LPIN1: variants seen among roughly 807,000 people sequenced by gnomAD.
LPIN1 encodes phosphatidate phosphatase LPIN1.
Under a neutral mutation model 107.5 loss-of-function variants are expected in LPIN1, and 71 were observed. That is an observed-to-expected ratio of 0.66 (90% CI 0.55 to 0.80). The LOEUF is 0.80. LPIN1 is among the 30% of genes least tolerant of loss of function. LPIN1 has a pLI of 0.00. For synonymous variants in LPIN1, 445 were observed against 452.6 expected (o/e 0.98, Z 0.21); for missense variants, 1,043 against 1,160.6 (o/e 0.90, Z 1.47).
rs779529812 is a variant in LPIN1 at position 11,786,258 on chromosome 2, C to T, written c.1550-816C>T. Among the ~76,000 whole-genome samples the T allele has an allele frequency of 6.6e-5, 10 of 152,168 alleles. No homozygotes were observed. Among genetic ancestry groups the T allele is most frequent in the Admixed American group, 4.6e-4 (7 of 15,286 alleles). The stretch of plus-strand genomic sequence containing the variant: ...AGCCAGTCAGGCTGGCATCAAGACC[C>T]AGGGACTCTTTTCCTGGACGGAGGA... On this transcript the variant is annotated intron_variant, in intron 10 of 20. Coordinates refer to ENST00000674199, the MANE Select transcript of LPIN1 (RefSeq NM_001349206.2). The surrounding 1 kb of genome is among the most constrained non-coding windows in gnomAD (Gnocchi z 4.1).
At chr2:11,812,501 A>G (rs534798239) in intron 17 of LPIN1, among the ~76,000 whole-genome samples, 28 of 152,150 alleles carry the variant, frequency 1.8e-4, no homozygotes, top group South Asian at 1.7e-3. Context: ...GACCTAGATG[A>G]GGTGAGGGTA....
In LPIN1 at chr2:11,786,966, G is replaced by A; in HGVS notation, c.1550-108G>A. The stretch of plus-strand genomic sequence containing the variant: ...ATAGGATTGTCTGCACAGTTGGAAT[G>A]CACAAACTCTCAGAAAACACTTGTG... On this transcript the variant is annotated intron_variant, in intron 10 of 20. Transcript: ENST00000674199. This position sits in a 1 kb window ranked among gnomAD's most constrained non-coding sequence, Gnocchi z 4.1. 1.3e-6 allele frequency: 1 copy of A among 783,244 alleles called. No individual in the cohort carries two copies. Among genetic ancestry groups the A allele is most frequent in the Non-Finnish European group, 2.3e-6 (1 of 435,854 alleles). 48.5% of individuals were successfully genotyped at this position (783,244 alleles called of 1,614,324 possible). A position where few individuals can be genotyped will look rare whatever the true frequency, so the allele number is the denominator to read the frequency against.
Position 11,784,912 on chromosome 2 carries a change from A to T in LPIN1, c.1385A>T (p.His462Leu). 6.2e-7 allele frequency: 1 copy of T among 1,613,898 alleles called. No individual in the cohort carries two copies. Among genetic ancestry groups the T allele is most frequent in the South Asian group, 1.1e-5 (1 of 91,080 alleles). Residue 462 changes from histidine (H) to leucine (L), a missense_variant, in exon 10 of 21, where the codon CAT becomes CTT. Coordinates refer to ENST00000674199, the MANE Select transcript of LPIN1 (RefSeq NM_001349206.2). ...KNGDPSGLAKHASDNGARSAN... is the reference protein window; with the variant it reads ...KNGDPSGLAKLASDNGARSAN... ...GGAGATCCTTCCGGACTCGCAAAACATGCAAGCGACAACGGAGCCCGGTCA... is the reference window on the plus strand; with the variant it reads ...GGAGATCCTTCCGGACTCGCAAAACTTGCAAGCGACAACGGAGCCCGGTCA...
chr2:11,789,375 GTGTGTGCATGCGGGTA>G (rs917403669), intron 12 of LPIN1, among the ~76,000 whole-genome samples: 2 of 152,100 alleles, frequency 1.3e-5, no homozygotes, highest in Non-Finnish European at 2.9e-5. Flanking sequence ...GCGCATGTAT[GTGTGTGCATGCGGGTA>G]TGTGTGCATG....
At chr2:11,782,083 A>G in intron 7 of LPIN1, 118 bp from the exon 8 acceptor site, 1 of 787,642 alleles carries the variant, frequency 1.3e-6, no homozygotes, top group Non-Finnish European at 2.2e-6. Flanking sequence ...GTGATTGTTG[A>G]GGCTTAAAAG....
At position 11,786,383 on chromosome 2, in the gene LPIN1, C is replaced by G. The variant is rs1396147859; in HGVS notation, c.1550-691C>G. 6.6e-6 allele frequency among the ~76,000 whole-genome samples: 1 copy of G among 152,124 alleles called. No homozygotes were observed. Among genetic ancestry groups the G allele is most frequent in the Admixed American group, 6.5e-5 (1 of 15,282 alleles). ...CGTGGCTCTGGGCCAGGGAGATGGT[C>G]AGAACCGCGGTCAAGGCTTAAGGTA... On this transcript the variant is annotated intron_variant, in intron 10 of 20. Coordinates refer to ENST00000674199, the MANE Select transcript of LPIN1 (RefSeq NM_001349206.2). This position sits in a 1 kb window ranked among gnomAD's most constrained non-coding sequence, Gnocchi z 4.1.
chr2:11,725,248 G>A (rs550351976), intron 1 of LPIN1, among the ~76,000 whole-genome samples: 9 of 151,316 alleles, frequency 5.9e-5, no homozygotes, highest in Middle Eastern at 3.4e-3. Flanking sequence ...GGGACAGAGC[G>A]AGACTCCGTC....
chr2:11,801,494 G>T (rs886475383), intron 14 of LPIN1, among the ~76,000 whole-genome samples: 7 of 152,204 alleles, frequency 4.6e-5, no homozygotes, highest in African/African-American at 1.7e-4. Context: ...AGTGAAATAA[G>T]CCAGGCACAG....
chr2:11,715,950 A>C (rs1313816290), intron 2 of LPIN1, among the ~76,000 whole-genome samples: 2 of 152,138 alleles, frequency 1.3e-5, no homozygotes, highest in Non-Finnish European at 1.5e-5. Flanking sequence ...TCCCCTCCAG[A>C]TCTGCAGTCC....
intron 13 of LPIN1, among the ~76,000 whole-genome samples, chr2:11,793,856 A>G (rs953795737): frequency 6.6e-6 from 1 of 152,226 alleles, no homozygotes; most frequent in African/African-American, 2.4e-5. Context: ...GGCAGAGACC[A>G]TATATGGCTT....
At chr2:11,752,789 T>A (rs111560601) in intron 1 of LPIN1, among the ~76,000 whole-genome samples, 1,750 of 152,098 alleles carry the variant, frequency 0.012, 15 homozygotes, top group Middle Eastern at 0.017. Flanking sequence ...TGGCAAAAAT[T>A]GTGGGGTTAG....
chr2:11,746,553 T>G, upstream of LPIN1: 1 of 625,930 alleles, frequency 1.6e-6, no homozygotes, highest in Non-Finnish European at 2.0e-6. Flanking sequence ...ACCGCCCCGC[T>G]TGCCCCGCCC....
At chr2:11,747,345 G>A (rs1412400412) in intron 1 of LPIN1, among the ~76,000 whole-genome samples, 2 of 152,250 alleles carry the variant, frequency 1.3e-5, no homozygotes, top group East Asian at 1.9e-4. Flanking sequence ...TTATGGGCAA[G>A]GCCAGGAAAA....
At chr2:11,816,456 C>G (rs1208598307) in intron 18 of LPIN1, 2 of 152,234 alleles carry the variant, frequency 1.3e-5, no homozygotes, top group Non-Finnish European at 2.9e-5. Context: ...ATCGTTACTC[C>G]GACATCCTAA....
chr2:11,778,875 T>C (rs549425003), intron 6 of LPIN1, among the ~76,000 whole-genome samples: 7 of 152,300 alleles, frequency 4.6e-5, no homozygotes, highest in African/African-American at 1.7e-4. Flanking sequence ...ATGGAGGTGG[T>C]TACTGAGCGA....
chr2:11,788,060 C>A (rs2148667167), intron 11 of LPIN1, among the ~76,000 whole-genome samples: 1 of 152,272 alleles, frequency 6.6e-6, no homozygotes, highest in South Asian at 2.1e-4. Context: ...CACCTAGTTG[C>A]CTTTACCTTG....
chr2:11,694,287 T>C (rs1662459849), intron 1 of LPIN1, among the ~76,000 whole-genome samples: 1 of 152,026 alleles, frequency 6.6e-6, no homozygotes, highest in African/African-American at 2.4e-5. Context: ...GAAACTAAGG[T>C]GAGGTTTAGG....
intron 1 of LPIN1, among the ~76,000 whole-genome samples, chr2:11,738,549 G>A (rs370778177): frequency 2.0e-5 from 3 of 152,010 alleles, no homozygotes; most frequent in East Asian, 1.9e-4. Flanking sequence ...AAAAACAGCC[G>A]GAAAGCTGGA....
intron 12 of LPIN1, 124 bp from the exon 13 acceptor site, chr2:11,791,790 G>A: frequency 1.3e-6 from 2 of 1,507,028 alleles, no homozygotes; most frequent in Non-Finnish European, 1.8e-6. Flanking sequence ...CAAATAGTAT[G>A]TTGTGTTTTC....
Sources: gnomAD v4.1 joint callset for allele counts (sites outside exome capture counted in the v4.1 genomes callset) on GRCh38, gnomAD v4.1.1 for gene constraint, Gnocchi (gnomAD v3.1) non-coding constraint, MANE v1.5 for transcripts, NCBI Gene and HGNC (gene_info 2026-07-23, HGNC 2026-07-21) for gene names.